Variants in ZFHX3 observed in about 807,000 individuals in gnomAD.
The protein encoded by ZFHX3 is zinc finger homeobox protein 3.
Under a neutral mutation model 279.1 loss-of-function variants are expected in ZFHX3, and 42 were observed. That is an observed-to-expected ratio of 0.15 (90% CI 0.12 to 0.19). The LOEUF (loss-of-function observed/expected upper bound fraction) is 0.19. Ranked by LOEUF, ZFHX3 falls within the 10% of genes least tolerant of loss-of-function variation. The probability of loss-of-function intolerance (pLI) is 1.00; values close to 1 mark genes in which losing one functional copy is unlikely to be tolerated. For missense variants in ZFHX3, 4,981 were observed against 4,754.0 expected (o/e 1.05, Z -1.40); for synonymous variants, 2,293 against 1,957.8 (o/e 1.17, Z -4.52).
intron 2 of ZFHX3, among the ~76,000 whole-genome samples, chr16:73,572,597 T>A (rs1029954535): frequency 6.6e-6 from 1 of 152,172 alleles, no homozygotes; most frequent in African/African-American, 2.4e-5. Flanking sequence ...AACAATAAAA[T>A]GCAGTGTGTC....
chr16:72,990,377 C>T (rs1858800), intron 1 of ZFHX3, among the ~76,000 whole-genome samples: 42,925 of 152,066 alleles, frequency 0.28, 6,563 homozygotes, highest in Middle Eastern at 0.35. Context: ...GCTGCAAGAA[C>T]GTTATCAGTC....
At chr16:73,223,314 C>G (rs1047715530) in intron 5 of ZFHX3, among the ~76,000 whole-genome samples, 1 of 152,054 alleles carries the variant, frequency 6.6e-6, no homozygotes, top group Admixed American at 6.6e-5. Flanking sequence ...TATTTGCAAA[C>G]GAAATATCTG....
At chr16:73,716,936 A>G (rs779080956) in intron 1 of ZFHX3, among the ~76,000 whole-genome samples, 30 of 152,146 alleles carry the variant, frequency 2.0e-4, no homozygotes, top group Admixed American at 8.5e-4. Context: ...AGGTTGGGGT[A>G]GGGGGAGGTA....
At chr16:73,700,619 G>C (rs952787467) in intron 1 of ZFHX3, among the ~76,000 whole-genome samples, 1 of 152,116 alleles carries the variant, frequency 6.6e-6, no homozygotes, top group African/African-American at 2.4e-5. Context: ...AGCTATTACA[G>C]ACTATTGGAT....
intron 5 of ZFHX3, among the ~76,000 whole-genome samples, chr16:73,240,380 G>A (rs1284351816): frequency 1.3e-5 from 2 of 151,868 alleles, no homozygotes; most frequent in African/African-American, 4.8e-5. Flanking sequence ...CACCATGCCT[G>A]GATCATTTTT....
At chr16:73,626,001 G>T (rs761821550) in intron 2 of ZFHX3, among the ~76,000 whole-genome samples, 9 of 152,070 alleles carry the variant, frequency 5.9e-5, no homozygotes, top group Non-Finnish European at 1.0e-4. Context: ...GGGACTACAG[G>T]TGCCCACCAC....
intron 1 of ZFHX3, among the ~76,000 whole-genome samples, chr16:73,789,976 G>A (rs763578050): frequency 7.2e-5 from 11 of 152,018 alleles, no homozygotes; most frequent in African/African-American, 1.2e-4. Context: ...TTGCACTCTC[G>A]CCGCTGGAGT....
At position 72,958,760 on chromosome 16, in the gene ZFHX3, C is replaced by T; in HGVS notation, c.1386G>A (p.Glu462=). 6.2e-7 allele frequency: 1 copy of T among 1,614,064 alleles called. No homozygotes were observed. The highest frequency in any genetic ancestry group is 8.5e-7 in the Non-Finnish European group (1 of 1,180,026). Residue 462 remains glutamate (E), a synonymous_variant, in exon 2 of 10, where the codon GAG becomes GAA. Transcript: ENST00000268489. ...CTTCCTCCTCCTCTTCCTCCTCCGC[C>T]TCCTCTTCGGCTGGCTCTACCTTCT... The part of the protein sequence containing the change: ...FSEKVEPAEE[E]AEEEEEEEEA...
chr16:73,030,304 C>A (rs1964650255), intron 1 of ZFHX3, among the ~76,000 whole-genome samples: 1 of 152,144 alleles, frequency 6.6e-6, no homozygotes, highest in South Asian at 2.1e-4. Context: ...GAGACAGATC[C>A]CATATAAGGA....
rs202140641 is a variant in ZFHX3 at position 72,959,930 on chromosome 16, G to C, written c.216C>G (p.Ser72=). ...AGGTGACCTCCTTGCTGGCGGGCTC[G>C]GAGGGGGGCCCGGCCGACGCGGTGC... The part of the protein sequence containing the change: ...AESTASAGPP[S]EPASKEVTCN... Residue 72 remains serine (S), a synonymous_variant, in exon 2 of 10, where the codon TCC becomes TCG. Coordinates refer to ENST00000268489, the MANE Select transcript of ZFHX3 (RefSeq NM_006885.4). The C allele has an allele frequency of 1.4e-4, 228 of 1,600,646 alleles. No homozygotes were observed. Among genetic ancestry groups the C allele is most frequent in the Non-Finnish European group, 1.3e-4 (147 of 1,172,874 alleles).
rs755308796 is a variant in ZFHX3 at position 73,296,877 on chromosome 16, A to ATGTTTTTTTTTTTTTT, written c.-1194+21362_-1194+21363insAAAAAAAAAAAAAACA. ...TTTATAATTGCCATGTGAAGCAGGAATTTTTTTTTTTTTTTTTTTGAGACG... is the reference window on the plus strand; with the variant it reads ...TTTATAATTGCCATGTGAAGCAGGAATGTTTTTTTTTTTTTTTTTTTTTTTTTTTTTTTTTGAGACG... On this transcript the variant is annotated intron_variant, in intron 4 of 17. Transcript: ENST00000641206. Among the ~76,000 whole-genome samples the ATGTTTTTTTTTTTTTT allele has an allele frequency of 1.5e-3, 177 of 116,058 alleles. 20 individuals carry two copies. The highest frequency in any genetic ancestry group is 2.3e-3 in the South Asian group (8 of 3,544). 76.1% of individuals were successfully genotyped at this position (116,058 alleles called of 152,430 possible).
At chr16:73,098,476 C>G (rs982102821) in intron 7 of ZFHX3, among the ~76,000 whole-genome samples, 2 of 152,224 alleles carry the variant, frequency 1.3e-5, no homozygotes, top group Non-Finnish European at 2.9e-5. Flanking sequence ...ATTCTCCTCC[C>G]TCAGCTTCCT....
intron 3 of ZFHX3, chr16:73,420,689 T>A (rs1026918382): frequency 6.6e-6 from 1 of 152,240 alleles, no homozygotes; most frequent in African/African-American, 2.4e-5. Context: ...TGGTGTCGCC[T>A]CAGTTTGTCT....
At chr16:73,289,019 T>A (rs1324515963) in intron 4 of ZFHX3, among the ~76,000 whole-genome samples, 2 of 148,748 alleles carry the variant, frequency 1.3e-5, no homozygotes, top group African/African-American at 5.0e-5. Flanking sequence ...ATAAAACAGA[T>A]AAATTAATGT....
chr16:73,338,441 T>C (rs1567454497), intron 3 of ZFHX3, among the ~76,000 whole-genome samples: 1 of 152,138 alleles, frequency 6.6e-6, no homozygotes. Context: ...GTCAACTTTT[T>C]TTTTCATTTT....
At chr16:73,429,215 G>T (rs570848901) in intron 3 of ZFHX3, among the ~76,000 whole-genome samples, 85 of 152,190 alleles carry the variant, frequency 5.6e-4, no homozygotes, top group Non-Finnish European at 1.0e-3. Context: ...AGAGAGCAAA[G>T]TAGGTAAAGT....
chr16:73,657,488 T>C (rs1316416037), intron 2 of ZFHX3, among the ~76,000 whole-genome samples: 1 of 152,064 alleles, frequency 6.6e-6, no homozygotes, highest in African/African-American at 2.4e-5. Context: ...GTACAATTCA[T>C]TGGATTTTCG....
chr16:73,797,788 A>G (rs1277389984), intron 1 of ZFHX3, among the ~76,000 whole-genome samples: 1 of 148,820 alleles, frequency 6.7e-6, no homozygotes, highest in Non-Finnish European at 1.5e-5. Flanking sequence ...GCTTATGTAT[A>G]GGACAAGCCT....
chr16:73,160,307 A>G (rs750495895), intron 5 of ZFHX3, among the ~76,000 whole-genome samples: 118 of 152,246 alleles, frequency 7.8e-4, no homozygotes, highest in Non-Finnish European at 1.3e-3. Context: ...TGAATCAGTA[A>G]TAAATAGCCC....
Sources: allele counts gnomAD v4.1 joint callset (sites outside exome capture counted in the v4.1 genomes callset), GRCh38; gene constraint gnomAD v4.1.1; transcripts MANE v1.5; gene names NCBI Gene and HGNC (gene_info 2026-07-23, HGNC 2026-07-21).